RABGAP1L: variants seen among roughly 807,000 people sequenced by gnomAD.
RABGAP1L encodes RAB GTPase activating protein 1 like, also known as rab GTPase-activating protein 1-like.
A neutral mutation model predicts 137.7 loss-of-function variants in RABGAP1L; 63 were observed. The observed-to-expected ratio is 0.46, with a 90% CI of 0.37 to 0.56. The LOEUF (loss-of-function observed/expected upper bound fraction) is 0.56, where lower values mean the gene tolerates loss of function less well. Ranked by LOEUF, RABGAP1L falls within the 20% of genes least tolerant of loss-of-function variation. The probability of loss-of-function intolerance (pLI) is 0.00; values close to 1 mark genes in which losing one functional copy is unlikely to be tolerated. For synonymous variants in RABGAP1L, 431 were observed against 433.7 expected (o/e 0.99, Z 0.08); for missense variants, 1,095 against 1,244.0 (o/e 0.88, Z 1.80).
intron 19 of RABGAP1L, among the ~76,000 whole-genome samples, chr1:174,875,192 CTT>C (rs1170252335): frequency 6.6e-6 from 1 of 152,322 alleles, no homozygotes; most frequent in Non-Finnish European, 1.5e-5. Context: ...TGTATGTAAA[CTT>C]AAACTATTTT....
At chr1:174,612,380 C>G (rs1671339782) in intron 13 of RABGAP1L, among the ~76,000 whole-genome samples, 5 of 152,268 alleles carry the variant, frequency 3.3e-5, no homozygotes, top group Middle Eastern at 3.4e-3. Flanking sequence ...GTATATTGAA[C>G]CAGCCTTGCA....
At chr1:174,727,707 A>G (rs1269599919) in intron 17 of RABGAP1L, among the ~76,000 whole-genome samples, 1 of 152,214 alleles carries the variant, frequency 6.6e-6, no homozygotes, top group African/African-American at 2.4e-5. Context: ...AAAATGACAA[A>G]TGTTTCAGGT....
At chr1:174,919,019 CTTTTTTTT>C (rs778211199) in intron 19 of RABGAP1L, among the ~76,000 whole-genome samples, 1 of 134,742 alleles carries the variant, frequency 7.4e-6, no homozygotes, top group South Asian at 2.4e-4. Context: ...TGTCTTTTTT[CTTTTTTTT>C]TTTTTTTTTG....
chr1:174,870,784 C>A (rs2149052200), intron 19 of RABGAP1L, among the ~76,000 whole-genome samples: 1 of 150,608 alleles, frequency 6.6e-6, no homozygotes, highest in Non-Finnish European at 1.5e-5. Flanking sequence ...GTTGCCCAGG[C>A]TGGAGTGCAG....
chr1:174,322,064 G>T (rs1160147038), intron 11 of RABGAP1L, among the ~76,000 whole-genome samples: 2 of 151,984 alleles, frequency 1.3e-5, no homozygotes, highest in African/African-American at 4.8e-5. Context: ...AATGTCTTTT[G>T]AAGAGTAAAA....
rs143586876 is a variant in RABGAP1L, at chr1:174,764,211, G to A, written c.2211+11857G>A. On this transcript the variant is annotated intron_variant, in intron 18 of 25. Transcript: ENST00000681986. ...CCACATTTTATTTATCCATTAATCAGTTAATAAACATTTCAGTTGTTTCCA... is the reference window on the plus strand; with the variant it reads ...CCACATTTTATTTATCCATTAATCAATTAATAAACATTTCAGTTGTTTCCA... 3.6e-3 allele frequency among the ~76,000 whole-genome samples: 542 copies of A among 152,098 alleles called. 3 individuals are homozygous for A. The highest frequency in any genetic ancestry group is 0.013 in the African/African-American group (519 of 41,464).
chr1:174,696,637 G>A (rs1432419716), intron 15 of RABGAP1L, among the ~76,000 whole-genome samples: 1 of 152,202 alleles, frequency 6.6e-6, no homozygotes, highest in African/African-American at 2.4e-5. Flanking sequence ...CCTGTGTTGT[G>A]TTCTGCTGTG....
intron 24 of RABGAP1L, among the ~76,000 whole-genome samples, chr1:174,983,261 T>G (rs1182229574): frequency 1.3e-5 from 2 of 150,434 alleles, no homozygotes; most frequent in East Asian, 3.9e-4. Flanking sequence ...TGGGACTCAG[T>G]AGGATCATCC....
intron 13 of RABGAP1L, among the ~76,000 whole-genome samples, chr1:174,440,421 T>C (rs1400806550): frequency 6.6e-6 from 1 of 152,170 alleles, no homozygotes; most frequent in African/African-American, 2.4e-5. Context: ...AAGATGATGC[T>C]GGTTTGCTAG....
intron 1 of RABGAP1L, among the ~76,000 whole-genome samples, chr1:174,195,620 C>CCTTCCTTCCTTT (rs1667538494): frequency 1.6e-5 from 1 of 60,898 alleles, no homozygotes; most frequent in Non-Finnish European, 3.0e-5. Context: ...TTTCTTTCTT[C>CCTTCCTTCCTTT]CTTCCTTCCT....
chr1:174,162,777 G>GT (rs67811794), intron 1 of RABGAP1L, among the ~76,000 whole-genome samples: 867 of 51,530 alleles, frequency 0.017, 30 homozygotes, highest in East Asian at 0.12. Flanking sequence ...TTCTCTTTCT[G>GT]TTTTTTTTTT....
At chr1:174,744,314 T>C (rs527782147) in intron 17 of RABGAP1L, among the ~76,000 whole-genome samples, 1 of 152,106 alleles carries the variant, frequency 6.6e-6, no homozygotes, top group South Asian at 2.1e-4. Flanking sequence ...ATTCTTGCTG[T>C]AGAACCTGTA....
chr1:174,612,721 C>T (rs914625368), intron 13 of RABGAP1L, among the ~76,000 whole-genome samples: 9 of 152,190 alleles, frequency 5.9e-5, no homozygotes, highest in Non-Finnish European at 1.2e-4. Flanking sequence ...TTGATTATTG[C>T]CACAATTTCA....
chr1:174,912,674 T>G (rs1021701047), intron 19 of RABGAP1L, among the ~76,000 whole-genome samples: 2 of 152,184 alleles, frequency 1.3e-5, no homozygotes, highest in Non-Finnish European at 2.9e-5. Context: ...TCTTTTAGAT[T>G]GTCAGAAAGG....
intron 13 of RABGAP1L, among the ~76,000 whole-genome samples, chr1:174,530,735 T>C (rs889428510): frequency 1.3e-5 from 2 of 152,168 alleles, no homozygotes; most frequent in African/African-American, 4.8e-5. Flanking sequence ...ATTCACTCAC[T>C]ATTTTGGTTC....
At chr1:174,354,022 T>C (rs1007540661) in intron 11 of RABGAP1L, among the ~76,000 whole-genome samples, 1 of 152,198 alleles carries the variant, frequency 6.6e-6, no homozygotes, top group African/African-American at 2.4e-5. Flanking sequence ...TGATTTCATG[T>C]TGTTGTTTTG....
intron 1 of RABGAP1L, among the ~76,000 whole-genome samples, chr1:174,207,659 G>A (rs997095522): frequency 1.3e-5 from 2 of 152,178 alleles, no homozygotes; most frequent in Admixed American, 6.5e-5. Context: ...TTGAGGCATA[G>A]TGTGTGTAGA....
At chr1:174,886,539 A>T (rs895085417) in intron 19 of RABGAP1L, among the ~76,000 whole-genome samples, 5 of 152,220 alleles carry the variant, frequency 3.3e-5, no homozygotes, top group African/African-American at 1.2e-4. Flanking sequence ...GGTTTATAGA[A>T]AAAGTTGGTT....
intron 13 of RABGAP1L, among the ~76,000 whole-genome samples, chr1:174,619,109 G>A (rs181107707): frequency 1.4e-3 from 206 of 152,184 alleles, no homozygotes; most frequent in Middle Eastern, 0.01. Flanking sequence ...AAAAAGAAAT[G>A]AACAAAGCCT....
Sources: gnomAD v4.1 joint callset for allele counts (sites outside exome capture counted in the v4.1 genomes callset) on GRCh38, gnomAD v4.1.1 for gene constraint, MANE v1.5 for transcripts, NCBI Gene and HGNC (gene_info 2026-07-23, HGNC 2026-07-21) for gene names.